Variants in CACNA1A observed in about 807,000 individuals in gnomAD.
CACNA1A encodes the protein voltage-dependent P/Q-type calcium channel subunit alpha-1A.
CACNA1A carries 57 observed loss-of-function variants against 262.4 expected under a neutral mutation model. The ratio of observed to expected loss-of-function variants is 0.22; its 90% CI spans 0.18 to 0.27. CACNA1A has a LOEUF of 0.27. CACNA1A is among the 10% of genes least tolerant of loss of function. The pLI is 1.00. For synonymous variants in CACNA1A, 1,431 were observed against 1,419.3 expected (o/e 1.01, Z -0.18); for missense variants, 2,526 against 3,562.8 (o/e 0.71, Z 7.41).
chr19:13,284,355 C>T (rs2057356386), intron 21 of CACNA1A: 1 of 152,130 alleles, frequency 6.6e-6, no homozygotes, highest in Non-Finnish European at 1.5e-5. Flanking sequence ...TTTAAAGGTA[C>T]TTTTATTTAT....
intron 20 of CACNA1A, among the ~76,000 whole-genome samples, chr19:13,285,792 G>A (rs2057384397): frequency 6.6e-6 from 1 of 151,938 alleles, no homozygotes; most frequent in African/African-American, 2.4e-5. Context: ...GAGCCTCTCT[G>A]AGCCTCAGTC....
chr19:13,218,231 C>CAGTAAGGACT (rs1568429803), intron 38 of CACNA1A, among the ~76,000 whole-genome samples: 2 of 152,154 alleles, frequency 1.3e-5, no homozygotes, highest in Non-Finnish European at 2.9e-5. Flanking sequence ...GCTGGGATTA[C>CAGTAAGGACT]AGCCGCCCGC....
At chr19:13,491,788 A>G (rs934700664) in intron 1 of CACNA1A, among the ~76,000 whole-genome samples, 9 of 152,078 alleles carry the variant, frequency 5.9e-5, no homozygotes, top group African/African-American at 2.2e-4. Flanking sequence ...GTGAGCCATG[A>G]TTGCACCACT....
At chr19:13,238,614 C>T (rs1326532870) in intron 31 of CACNA1A, among the ~76,000 whole-genome samples, 1 of 130,822 alleles carries the variant, frequency 7.6e-6, no homozygotes, top group Non-Finnish European at 1.6e-5. Context: ...TTAAGAGAGT[C>T]TCACTCTGTT....
At position 13,206,765 on chromosome 19, in the gene CACNA1A, G is replaced by C. The variant is rs774290959; in HGVS notation, c.*548C>G. The C allele has an allele frequency of 6.5e-6, 1 of 154,018 alleles. No individual in the cohort carries two copies. The highest frequency in any genetic ancestry group is 1.5e-5 in the Non-Finnish European group (1 of 68,226). 9.5% of individuals were successfully genotyped at this position (154,018 alleles called of 1,614,324 possible). Reference sequence around the variant, plus strand: ...AGCACTCTTGTGTGTGTCTGAGAACGTGTGTGGGTGTGAGTGTGTCTGGTG... The same window carrying C: ...AGCACTCTTGTGTGTGTCTGAGAACCTGTGTGGGTGTGAGTGTGTCTGGTG... On this transcript the variant is annotated 3_prime_UTR_variant, in exon 47 of 47. Transcript: ENST00000360228.
intron 3 of CACNA1A, among the ~76,000 whole-genome samples, chr19:13,442,089 A>AC (rs935700867): frequency 2.0e-5 from 3 of 152,132 alleles, no homozygotes; most frequent in Non-Finnish European, 4.4e-5. Context: ...GAAACCTGTA[A>AC]CCCGCTAAGC....
At chr19:13,427,281 G>A (rs748774316) in intron 3 of CACNA1A, among the ~76,000 whole-genome samples, 9 of 151,766 alleles carry the variant, frequency 5.9e-5, no homozygotes, top group South Asian at 2.1e-4. Context: ...GAGAAACCCC[G>A]TCTCTACTAA....
intron 3 of CACNA1A, among the ~76,000 whole-genome samples, chr19:13,401,380 G>A (rs187330226): frequency 6.6e-5 from 10 of 152,304 alleles, no homozygotes; most frequent in Admixed American, 2.0e-4. Context: ...CACCCACTGA[G>A]TAGTTGTTTG....
In CACNA1A at chr19:13,214,066, TG is replaced by T; in HGVS notation, c.5940+166del. ...CTGGTCTCAAACGATCCCTCTGCCC[TG>T]GCCTCTCAAAGCACTGAGATTGCAG... is the stretch of plus-strand genomic sequence containing the variant. On this transcript the variant is annotated intron_variant, in intron 40 of 46. Coordinates refer to ENST00000360228, the MANE Select transcript of CACNA1A (RefSeq NM_001127222.2). This position sits in a 1 kb window ranked among gnomAD's most constrained non-coding sequence, Gnocchi z 4.1. 1.6e-6 allele frequency: 1 copy of T among 620,278 alleles called. No individual in the cohort carries two copies. 38.4% of individuals were successfully genotyped at this position (620,278 alleles called of 1,614,324 possible).
intron 3 of CACNA1A, among the ~76,000 whole-genome samples, chr19:13,379,823 C>A (rs367575732): frequency 8.5e-6 from 1 of 117,686 alleles, no homozygotes; most frequent in African/African-American, 3.4e-5. Context: ...ACTTGGGAGG[C>A]TAAGGCAGGA....
intron 10 of CACNA1A, among the ~76,000 whole-genome samples, chr19:13,329,662 AG>A (rs2145111785): frequency 1.3e-5 from 2 of 151,696 alleles, no homozygotes; most frequent in South Asian, 4.2e-4. Flanking sequence ...TAGTAGAGCC[AG>A]GGTTTCACCA....
chr19:13,259,482 T>C, intron 27 of CACNA1A, 82 bp downstream of exon 27: 1 of 1,414,240 alleles, frequency 7.1e-7, no homozygotes, highest in Non-Finnish European at 9.6e-7. Context: ...TCCAAGACCT[T>C]TCTTATTGCT....
chr19:13,247,547 A>C (rs1017375480), intron 30 of CACNA1A, among the ~76,000 whole-genome samples: 2 of 151,850 alleles, frequency 1.3e-5, no homozygotes, highest in African/African-American at 2.4e-5. Flanking sequence ...CACGCACACA[A>C]AAATCAGGCA....
intron 3 of CACNA1A, among the ~76,000 whole-genome samples, chr19:13,403,738 C>A (rs2059951674): frequency 6.6e-6 from 1 of 151,864 alleles, no homozygotes; most frequent in Non-Finnish European, 1.5e-5. Context: ...GAGTTCTAGA[C>A]CAGCCTGGGT....
intron 15 of CACNA1A, chr19:13,306,557 C>G (rs565755839): frequency 3.9e-5 from 6 of 152,184 alleles, no homozygotes; most frequent in Non-Finnish European, 8.8e-5. Context: ...TCTGATGCAT[C>G]TGGGGTCTTG....
Position 13,347,731 on chromosome 19 carries a change from A to G in CACNA1A, c.979-11822T>C, listed in dbSNP as rs540142966. ...ACACGTCAACTCCTCTGTGTCCAGA[A>G]GAGTGTCTGCATACAGTAGGCATTC... On this transcript the variant is annotated intron_variant, in intron 6 of 46. Coordinates refer to ENST00000360228, the MANE Select transcript of CACNA1A (RefSeq NM_001127222.2). Among the ~76,000 whole-genome samples the G allele has an allele frequency of 2.0e-5, 3 of 152,274 alleles. No homozygotes were observed. The East Asian group carries it at 5.8e-4, about 29-fold the overall frequency.
intron 1 of CACNA1A, among the ~76,000 whole-genome samples, chr19:13,466,610 G>A (rs972494480): frequency 6.6e-6 from 1 of 151,862 alleles, no homozygotes; most frequent in African/African-American, 2.4e-5. Flanking sequence ...CAAAGTGCTG[G>A]GATTACAGGC....
At chr19:13,331,144 T>A (rs926136206) in intron 9 of CACNA1A, among the ~76,000 whole-genome samples, 5 of 152,064 alleles carry the variant, frequency 3.3e-5, no homozygotes, top group African/African-American at 1.2e-4. Flanking sequence ...ATAATAAAAT[T>A]CATTTTATAA....
intron 6 of CACNA1A, among the ~76,000 whole-genome samples, chr19:13,356,239 G>A (rs998015158): frequency 4.6e-5 from 7 of 152,174 alleles, no homozygotes; most frequent in Admixed American, 2.6e-4. Flanking sequence ...TGACTTACAC[G>A]GAGGTCACCC....
Sources: gnomAD v4.1 joint callset for allele counts (sites outside exome capture counted in the v4.1 genomes callset) on GRCh38, gnomAD v4.1.1 for gene constraint, Gnocchi (gnomAD v3.1) non-coding constraint, MANE v1.5 for transcripts, NCBI Gene and HGNC (gene_info 2026-07-23, HGNC 2026-07-21) for gene names.